PTGFRN: variants seen among roughly 807,000 people sequenced by gnomAD.
PTGFRN encodes the protein prostaglandin F2 receptor inhibitor.
In PTGFRN, 35 loss-of-function variants were observed where a neutral mutation model predicts 83.2. The ratio of observed to expected loss-of-function variants is 0.42; its 90% CI spans 0.32 to 0.56. The LOEUF (loss-of-function observed/expected upper bound fraction) is 0.56. PTGFRN is among the 20% of genes least tolerant of loss of function. The probability of loss-of-function intolerance (pLI) is 0.11; values close to 1 mark genes in which losing one functional copy is unlikely to be tolerated. For synonymous variants in PTGFRN, 519 were observed against 498.6 expected, an observed-to-expected ratio of 1.04 and a Z score of -0.55; for missense variants, 1,051 against 1,179.5, an observed-to-expected ratio of 0.89 and a Z score of 1.60.
intron 1 of PTGFRN, among the ~76,000 whole-genome samples, chr1:116,922,319 G>A (rs1293013119): frequency 6.6e-6 from 1 of 152,162 alleles, no homozygotes; most frequent in Admixed American, 6.6e-5. Flanking sequence ...TTTCTTCAAA[G>A]GACTATGACC....
At chr1:116,934,155 T>G (rs1273905896) in intron 1 of PTGFRN, among the ~76,000 whole-genome samples, 3 of 151,254 alleles carry the variant, frequency 2.0e-5, no homozygotes, top group Middle Eastern at 3.5e-3. Context: ...GATTGTTTTG[T>G]TTTTTTTTGA....
rs556228504 is a variant in PTGFRN at position 116,987,957 on chromosome 1, C to T, written c.*990C>T. The T allele has an allele frequency of 2.2e-4, 33 of 152,352 alleles. No homozygotes were observed. The highest frequency in any genetic ancestry group is 2.2e-3 in the Admixed American group (33 of 15,296). 9.4% of individuals were successfully genotyped at this position (152,352 alleles called of 1,614,324 possible). On this transcript the variant is annotated 3_prime_UTR_variant, in exon 9 of 9. Transcript: ENST00000393203. ...TAGGCTAAAGAAGCCACCACTATTC[C>T]TCTCTCTTGCCCATTGTGGGGGGCA...
chr1:116,949,298 G>C lies in PTGFRN; in HGVS notation c.939G>C (p.Val313=). ...TDRADDVRPE[V]TWSFSRMPDS... ...GAGCCGATGACGTCCGGCCCGAGGT[G>C]ACGTGGTCCTTCAGCAGGATGCCTG... Residue 313 remains valine, a synonymous_variant, in exon 4 of 9, where the codon GTG becomes GTC. Coordinates refer to ENST00000393203, the MANE Select transcript of PTGFRN (RefSeq NM_020440.4). 1 of 1,614,288 alleles carries C rather than the reference G, an allele frequency of 6.2e-7. No individual in the cohort carries two copies. The highest frequency in any genetic ancestry group is 1.6e-4 in the Middle Eastern group (1 of 6,062).
Position 116,987,422 on chromosome 1 carries a change from C to T in PTGFRN, c.*455C>T, listed in dbSNP as rs1435284762. ...ACGTGTTCAGAGAGCTGCTGAGCGC[C>T]ACCCTCTACCCGGCTGACAGACAAC... On this transcript the variant is annotated 3_prime_UTR_variant, in exon 9 of 9. Transcript: ENST00000393203. 1 of 185,658 alleles carries T rather than the reference C, an allele frequency of 5.4e-6. No individual in the cohort carries two copies. The highest frequency in any genetic ancestry group is 1.4e-4 in the East Asian group (1 of 6,904). The allele number at this position is 185,658 out of a possible 1,614,324, so 11.5% of individuals were successfully genotyped here.
intron 4 of PTGFRN, among the ~76,000 whole-genome samples, chr1:116,956,148 A>G (rs930379918): frequency 2.6e-5 from 4 of 152,220 alleles, no homozygotes; most frequent in South Asian, 2.1e-4. Flanking sequence ...GTGGAATCAT[A>G]TCTTCTCCAG....
intron 4 of PTGFRN, among the ~76,000 whole-genome samples, chr1:116,954,381 G>A (rs914471515): frequency 2.6e-4 from 39 of 151,360 alleles, no homozygotes; most frequent in East Asian, 1.2e-3. Flanking sequence ...AATGGTGATC[G>A]TGGTGTCATT....
intron 1 of PTGFRN, among the ~76,000 whole-genome samples, chr1:116,935,707 G>A (rs1649903544): frequency 6.6e-6 from 1 of 152,164 alleles, no homozygotes; most frequent in African/African-American, 2.4e-5. Flanking sequence ...GGGTATCAAA[G>A]GTACTCTGAG....
At chr1:116,969,686 A>G (rs1300325248) in intron 6 of PTGFRN, among the ~76,000 whole-genome samples, 1 of 152,206 alleles carries the variant, frequency 6.6e-6, no homozygotes, top group East Asian at 1.9e-4. Flanking sequence ...TCAATTTGGA[A>G]AGCATTGCCA....
chr1:116,986,809 G>A lies in PTGFRN; in HGVS notation c.2482G>A (p.Ala828Thr). The change falls in exon 9 of 9, where the codon GCC becomes ACC. Residue 828 changes from alanine to threonine, a missense_variant. Physicochemically the swap from Ala to Thr is moderately conservative, Grantham distance 58. Transcript: ENST00000393203. ...FITVKMDVLN[A>T]FKYPLLIGVG... ...TGATCTCTCCCTCCCAGTGCTGAACGCCTTCAAGTATCCCTTGCTGATCGG... is the reference window on the plus strand; with the variant it reads ...TGATCTCTCCCTCCCAGTGCTGAACACCTTCAAGTATCCCTTGCTGATCGG... The A allele has an allele frequency of 6.2e-7, 1 of 1,614,018 alleles. No individual in the cohort carries two copies. The highest frequency in any genetic ancestry group is 1.1e-5 in the South Asian group (1 of 91,086).
chr1:116,965,295 T>C (rs1187479683), intron 5 of PTGFRN, among the ~76,000 whole-genome samples: 4 of 152,114 alleles, frequency 2.6e-5, no homozygotes, highest in African/African-American at 4.8e-5. Context: ...TTTAATTTTA[T>C]TTTTTTAGAA....
At chr1:116,983,465 A>G (rs555248866) in intron 7 of PTGFRN, among the ~76,000 whole-genome samples, 2 of 144,568 alleles carry the variant, frequency 1.4e-5, no homozygotes, top group African/African-American at 5.1e-5. Context: ...CTCTGCCCCC[A>G]GGGAGCTAGT....
chr1:116,969,497 T>C (rs544603221), intron 6 of PTGFRN, among the ~76,000 whole-genome samples: 7 of 152,346 alleles, frequency 4.6e-5, no homozygotes, highest in African/African-American at 1.7e-4. Context: ...GTTTGATTAC[T>C]GTAGCTTTGT....
intron 7 of PTGFRN, among the ~76,000 whole-genome samples, chr1:116,976,986 G>T (rs1461341902): frequency 6.6e-6 from 1 of 152,098 alleles, no homozygotes; most frequent in South Asian, 2.1e-4. Context: ...CCCATCTCGC[G>T]TGCAGAGACA....
At chr1:116,978,831 C>T (rs1651230908) in intron 7 of PTGFRN, among the ~76,000 whole-genome samples, 1 of 152,138 alleles carries the variant, frequency 6.6e-6, no homozygotes, top group South Asian at 2.1e-4. Context: ...GATACCCTCT[C>T]TCACCACTCC....
chr1:116,971,830 G>C (rs1328611521), intron 6 of PTGFRN, among the ~76,000 whole-genome samples: 1 of 152,204 alleles, frequency 6.6e-6, no homozygotes, highest in African/African-American at 2.4e-5. Context: ...AATTAAGTAA[G>C]TCTTCTTTGC....
chr1:116,954,032 A>G (rs1239490206), intron 4 of PTGFRN, among the ~76,000 whole-genome samples: 1 of 150,734 alleles, frequency 6.6e-6, no homozygotes, highest in South Asian at 2.1e-4. Context: ...TTTTTTTTGT[A>G]TTTTTAGTAG....
Position 116,944,760 on chromosome 1 carries a change from T to C in PTGFRN, c.500T>C (p.Leu167Pro). Residue 167 changes from leucine (L) to proline (P), a missense_variant, in exon 3 of 9, where the codon CTG becomes CCG. Physicochemically the swap from Leu to Pro is moderately conservative, Grantham distance 98 (BLOSUM62 -3). Transcript: ENST00000393203. The stretch of plus-strand genomic sequence containing the variant: ...CTGCGGGAGGGGGAGCCCTTCGAGC[T>C]GCGCTGCACCGCCGCCTCCGCCTCG... ...LSLREGEPFE[L>P]RCTAASASPL... is the part of the protein sequence containing the mutation. 1 of 1,519,250 alleles carries C rather than the reference T, an allele frequency of 6.6e-7. No individual in the cohort carries two copies. The highest frequency in any genetic ancestry group is 2.1e-5 in the Admixed American group (1 of 47,198). The allele number at this position is 1,519,250 out of a possible 1,614,324, so 94.1% of individuals were successfully genotyped here. A position where few individuals can be genotyped will look rare whatever the true frequency, so the allele number is the denominator to read the frequency against.
chr1:116,930,968 G>A (rs1418535863), intron 1 of PTGFRN, among the ~76,000 whole-genome samples: 1 of 152,126 alleles, frequency 6.6e-6, no homozygotes, highest in Non-Finnish European at 1.5e-5. Flanking sequence ...AGCTTTTTAT[G>A]AATCCCTTTG....
chr1:116,962,695 C>T (rs551224976), intron 5 of PTGFRN, among the ~76,000 whole-genome samples: 2 of 152,160 alleles, frequency 1.3e-5, no homozygotes, highest in Admixed American at 1.3e-4. Context: ...GAAACCCCTC[C>T]ACAGTCTCAA....
Sources: gnomAD v4.1 joint callset for allele counts (sites outside exome capture counted in the v4.1 genomes callset) on GRCh38, gnomAD v4.1.1 for gene constraint, MANE v1.5 for transcripts, NCBI Gene and HGNC (gene_info 2026-07-23, HGNC 2026-07-21) for gene names.